TRAPPC8: variants seen among roughly 807,000 people sequenced by gnomAD.
TRAPPC8 encodes general sporulation gene 1 homolog.
Under a neutral mutation model 174.3 loss-of-function variants are expected in TRAPPC8, and 54 were observed. That is an observed-to-expected ratio of 0.31 (90% CI 0.25 to 0.39). The LOEUF is 0.39. Among genes scored for constraint, TRAPPC8 ranks in the 10% least tolerant of loss-of-function variants. The pLI is 1.00. For synonymous variants in TRAPPC8, 630 were observed against 579.9 expected, an observed-to-expected ratio of 1.09 and a Z score of -1.24; for missense variants, 1,531 against 1,699.1, an observed-to-expected ratio of 0.90 and a Z score of 1.74.
At chr18:31,915,622 C>A (rs1189448547) in intron 4 of TRAPPC8, among the ~76,000 whole-genome samples, 2 of 151,980 alleles carry the variant, frequency 1.3e-5, no homozygotes, top group African/African-American at 2.4e-5. Flanking sequence ...TGAAGCCGGG[C>A]GTGGTGGCTC....
intron 1 of TRAPPC8, among the ~76,000 whole-genome samples, chr18:31,942,334 C>G (rs1163534921): frequency 1.3e-5 from 2 of 152,212 alleles, no homozygotes; most frequent in Non-Finnish European, 2.9e-5. Flanking sequence ...CTCGAAGACT[C>G]ACGTTTATCT....
At position 31,897,887 on chromosome 18, in the gene TRAPPC8, T is replaced by C. The variant is rs199718960; in HGVS notation, c.1495A>G (p.Met499Val). 8.1e-6 allele frequency: 13 copies of C among 1,609,938 alleles called. No individual in the cohort carries two copies. The African/African-American group carries it at 1.6e-4, about 20-fold the overall frequency. Residue 499 changes from methionine to valine, a missense_variant, in exon 11 of 29, where the codon ATG becomes GTG. Coordinates refer to ENST00000283351, the MANE Select transcript of TRAPPC8 (RefSeq NM_014939.5). ...IQTYRDICKN[M>V]VLAERCVLLS... ...AACACACATCTTTCAGCCAACACCATATTCCTATAGAAAAAAGGACAAGAA... is the reference window on the plus strand; with the variant it reads ...AACACACATCTTTCAGCCAACACCACATTCCTATAGAAAAAAGGACAAGAA...
chr18:31,911,012 T>C (rs919245411), intron 5 of TRAPPC8, among the ~76,000 whole-genome samples: 3 of 152,206 alleles, frequency 2.0e-5, no homozygotes, highest in African/African-American at 7.2e-5. Context: ...ATCACCTCAA[T>C]ACTAAAGTCA....
intron 11 of TRAPPC8, among the ~76,000 whole-genome samples, chr18:31,892,574 G>A (rs1177384896): frequency 6.6e-6 from 1 of 152,082 alleles, no homozygotes; most frequent in African/African-American, 2.4e-5. Flanking sequence ...AAGTAGAACT[G>A]TGGAGTTAAT....
intron 25 of TRAPPC8, among the ~76,000 whole-genome samples, chr18:31,849,212 A>G (rs1450055915): frequency 6.6e-6 from 1 of 152,168 alleles, no homozygotes; most frequent in African/African-American, 2.4e-5. Flanking sequence ...AATAACAAAA[A>G]ATTAATGGTT....
chr18:31,874,598 T>A lies in TRAPPC8; in HGVS notation c.1835A>T (p.Tyr612Phe). Residue 612 changes from tyrosine (Y) to phenylalanine (F), a missense_variant, in exon 13 of 29, where the codon TAT (tyrosine) becomes TTT (phenylalanine). Physicochemically the swap from Tyr to Phe is conservative, Grantham distance 22. Transcript: ENST00000283351. ...AGCATTATCCAGCTGTCTAAGAGTATAGGACTGGCGCCCAATAGTGAAATT... is the reference window on the plus strand; with the variant it reads ...AGCATTATCCAGCTGTCTAAGAGTAAAGGACTGGCGCCCAATAGTGAAATT... ...HINFTIGRQS[Y>F]TLRQLDNAVS... The A allele has an allele frequency of 6.2e-7, 1 of 1,614,146 alleles. No individual in the cohort carries two copies. The highest frequency in any genetic ancestry group is 8.5e-7 in the Non-Finnish European group (1 of 1,180,016).
chr18:31,917,653 A>G lies in TRAPPC8; in HGVS notation c.367T>C (p.Phe123Leu). Reference protein sequence around the residue: ...DLNISATTPWFESYRETFLQS... With the variant: ...DLNISATTPWLESYRETFLQS... ...AGAAAGGTTTCTCTGTAAGACTCAA[A>G]CCATGGAGTAGTGGCTAAAATTAAC... The change falls in exon 3 of 29, where the codon TTT becomes CTT. Residue 123 changes from phenylalanine to leucine, a missense_variant. By Grantham distance (22) the Phe-to-Leu change is conservative (BLOSUM62 0). Coordinates refer to ENST00000283351, the MANE Select transcript of TRAPPC8 (RefSeq NM_014939.5). The G allele has an allele frequency of 6.2e-7, 1 of 1,613,156 alleles. No individual in the cohort carries two copies. Among genetic ancestry groups the G allele is most frequent in the Non-Finnish European group, 8.5e-7 (1 of 1,179,668 alleles).
At position 31,913,507 on chromosome 18, in the gene TRAPPC8, A is replaced by G; in HGVS notation, c.633T>C (p.Tyr211=). The change falls in exon 5 of 29, where the codon TAT becomes TAC. Residue 211 remains tyrosine (Y), a synonymous_variant. Transcript: ENST00000283351. ...AGDEQRAESI[Y]EEMKQKYGTQ... ...TTCCATATTTCTGTTTCATTTCTTC[A>G]TAAATTGATTCAGCTCTAAAACAGA... 6.3e-7 allele frequency: 1 copy of G among 1,594,300 alleles called. No individual in the cohort carries two copies. Among genetic ancestry groups the G allele is most frequent in the Admixed American group, 1.8e-5 (1 of 54,660 alleles).
At chr18:31,923,037 C>T (rs1360882441) in intron 2 of TRAPPC8, among the ~76,000 whole-genome samples, 2 of 152,056 alleles carry the variant, frequency 1.3e-5, no homozygotes, top group South Asian at 2.1e-4. Context: ...AAAACAAAAA[C>T]ATGCAGAATG....
Position 31,871,194 on chromosome 18 carries a change from G to T in TRAPPC8, c.2063-74C>A, listed in dbSNP as rs113807823. ...AAAACATATTTTAAATAGACATAAG[G>T]TACAGAAATAAAAAAATATATATAT... On this transcript the variant is annotated intron_variant, in intron 14 of 28. Coordinates refer to ENST00000283351, the MANE Select transcript of TRAPPC8 (RefSeq NM_014939.5). The T allele has an allele frequency of 5.3e-4, 457 of 860,388 alleles. 2 individuals carry two copies. In the African/African-American group the frequency reaches 6.8e-3, roughly 13 times the overall value. 53.3% of individuals were successfully genotyped at this position (860,388 alleles called of 1,614,324 possible). A position where few individuals can be genotyped will look rare whatever the true frequency, so the allele number is the denominator to read the frequency against.
intron 4 of TRAPPC8, among the ~76,000 whole-genome samples, chr18:31,913,862 G>A (rs536441947): frequency 6.6e-6 from 1 of 152,128 alleles, no homozygotes; most frequent in South Asian, 2.1e-4. Flanking sequence ...GATTGCGGGG[G>A]GAACTACAGG....
In TRAPPC8 at chr18:31,870,948, T is replaced by C; in HGVS notation, c.2235A>G (p.Arg745=). 1 of 1,571,968 alleles carries C rather than the reference T, an allele frequency of 6.4e-7. No individual in the cohort carries two copies. The highest frequency in any genetic ancestry group is 8.7e-7 in the Non-Finnish European group (1 of 1,155,736). ...CACCTTCTACAACTGCAAGTGGAAA[T>C]CTTGAATTATCTGAGTAACTGTTCA... ...YCLNSYSDNS[R]FPLAVVEEPI... The change falls in exon 15 of 29, where the codon AGA becomes AGG. Residue 745 remains arginine (R), a synonymous_variant. Coordinates refer to ENST00000283351, the MANE Select transcript of TRAPPC8 (RefSeq NM_014939.5).
At chr18:31,923,615 A>G (rs76101340) in intron 2 of TRAPPC8, among the ~76,000 whole-genome samples, 9,895 of 152,264 alleles carry the variant, frequency 0.065, 337 homozygotes, top group Middle Eastern at 0.11. Context: ...TATGATCTCC[A>G]AAGAGTATTA....
At chr18:31,902,672 C>T (rs2036484404) in intron 9 of TRAPPC8, among the ~76,000 whole-genome samples, 1 of 152,114 alleles carries the variant, frequency 6.6e-6, no homozygotes, top group Non-Finnish European at 1.5e-5. Flanking sequence ...TGTTAGGTTG[C>T]CACTGGAGAT....
intron 16 of TRAPPC8, 137 bp downstream of exon 16, chr18:31,870,235 A>G (rs1445872578): frequency 2.9e-6 from 2 of 698,128 alleles, no homozygotes; most frequent in Non-Finnish European, 2.2e-6. Flanking sequence ...AAATAAGTAC[A>G]TATCATAATT....
At chr18:31,884,812 C>T (rs913648869) in intron 12 of TRAPPC8, among the ~76,000 whole-genome samples, 9 of 151,500 alleles carry the variant, frequency 5.9e-5, no homozygotes, top group African/African-American at 1.2e-4. Context: ...TTTGAGACCA[C>T]GCTGGGCAAC....
intron 12 of TRAPPC8, among the ~76,000 whole-genome samples, chr18:31,880,088 AAAATATATATATATATATATATATAT>A: frequency 1.6e-5 from 1 of 61,454 alleles, no homozygotes; most frequent in African/African-American, 8.3e-5. Flanking sequence ...ATTGAAAAAA[AAAATATATATATATATATATATATAT>A]ATATATATTT....
In TRAPPC8 at chr18:31,857,994, G is replaced by T; in HGVS notation, c.2746-12C>A. The T allele has an allele frequency of 6.4e-7, 1 of 1,552,138 alleles. No individual in the cohort carries two copies. Among genetic ancestry groups the T allele is most frequent in the Non-Finnish European group, 8.7e-7 (1 of 1,152,170 alleles). ...TGTATAAAGAACACCTGCATTGGAG[G>T]GAAAAAATATTATTATTTGTCTGTT... On this transcript the variant is annotated splice_polypyrimidine_tract_variant and intron_variant, in intron 19 of 28. Transcript: ENST00000283351.
chr18:31,875,371 A>G (rs1476624437), intron 12 of TRAPPC8, among the ~76,000 whole-genome samples: 2 of 150,552 alleles, frequency 1.3e-5, no homozygotes, highest in Middle Eastern at 3.5e-3. Flanking sequence ...TTTTTTTTCT[A>G]TATTAAAAAT....
Sources: gnomAD v4.1 joint callset for allele counts (sites outside exome capture counted in the v4.1 genomes callset) on GRCh38, gnomAD v4.1.1 for gene constraint, MANE v1.5 for transcripts, NCBI Gene and HGNC (gene_info 2026-07-23, HGNC 2026-07-21) for gene names.